The following TSPAN5 variants were observed in gnomAD, a reference collection of about 807,000 sequenced individuals.
TSPAN5 encodes the protein tetraspanin-5.
In TSPAN5, 10 loss-of-function variants were observed where a neutral mutation model predicts 37.1. The observed-to-expected ratio is 0.27, with a 90% CI of 0.17 to 0.46. TSPAN5 has a LOEUF of 0.46. TSPAN5 is among the 20% of genes least tolerant of loss of function. TSPAN5 has a pLI of 1.00. For missense variants in TSPAN5, 195 were observed against 326.6 expected (o/e 0.60, Z 3.11); for synonymous variants, 110 against 118.9 (o/e 0.93, Z 0.48).
Position 98,633,804 on chromosome 4 carries a change from G to T in TSPAN5, c.81+24342C>A, listed in dbSNP as rs149706429. 2.4e-3 allele frequency among the ~76,000 whole-genome samples: 359 copies of T among 152,256 alleles called. 3 individuals are homozygous for T. The highest frequency in any genetic ancestry group is 7.8e-3 in the African/African-American group (322 of 41,546). ...CTTAAAAGTGATCAATCACGGCCGGGCACGATGGCTGACGCCTGTAATACC... is the reference window on the plus strand; with the variant it reads ...CTTAAAAGTGATCAATCACGGCCGGTCACGATGGCTGACGCCTGTAATACC... On this transcript the variant is annotated intron_variant, in intron 1 of 7. Transcript: ENST00000305798.
Position 98,487,336 on chromosome 4 carries a change from A to G in TSPAN5, c.133-452T>C, listed in dbSNP as rs561028662. On this transcript the variant is annotated intron_variant, in intron 2 of 7. Transcript: ENST00000305798. ...ACCTTTGGTTTCAGTGTCTGCAAAT[A>G]TAAGAGGTCTTCAGTAAAAACAAAC... is the stretch of plus-strand genomic sequence containing the variant. Among the ~76,000 whole-genome samples, 26 of 152,296 alleles carry G rather than the reference A, an allele frequency of 1.7e-4. 1 individual carries two copies. The South Asian group carries it at 4.8e-3, about 28-fold the overall frequency.
chr4:98,618,015 A>T (rs1424001698), intron 1 of TSPAN5, among the ~76,000 whole-genome samples: 1 of 152,202 alleles, frequency 6.6e-6, no homozygotes, highest in African/African-American at 2.4e-5. Flanking sequence ...TTCTGAACAG[A>T]AGGTGTGGAG....
At chr4:98,601,892 A>T (rs1319846814) in intron 1 of TSPAN5, among the ~76,000 whole-genome samples, 1 of 152,218 alleles carries the variant, frequency 6.6e-6, no homozygotes, top group African/African-American at 2.4e-5. Context: ...ACACTGAGAA[A>T]CCATTACTCA....
chr4:98,576,603 C>A (rs1755242161), intron 1 of TSPAN5, among the ~76,000 whole-genome samples: 1 of 152,068 alleles, frequency 6.6e-6, no homozygotes, highest in South Asian at 2.1e-4. Context: ...ATAGTCCCAG[C>A]TACTTGGAAA....
intron 2 of TSPAN5, among the ~76,000 whole-genome samples, chr4:98,503,340 C>G (rs10015273): frequency 0.074 from 11,230 of 152,124 alleles, 593 homozygotes; most frequent in Admixed American, 0.14. Flanking sequence ...GAAAAGACAC[C>G]AGAGCGGGGC....
intron 1 of TSPAN5, among the ~76,000 whole-genome samples, chr4:98,605,477 G>C (rs773479921): frequency 6.6e-6 from 1 of 152,082 alleles, no homozygotes; most frequent in Admixed American, 6.6e-5. Context: ...TCCTAATTCA[G>C]CAGTCACTAC....
intron 1 of TSPAN5, among the ~76,000 whole-genome samples, chr4:98,517,212 T>C (rs1753754748): frequency 6.6e-6 from 1 of 152,140 alleles, no homozygotes; most frequent in Admixed American, 6.5e-5. Flanking sequence ...TCCAAATAAT[T>C]GAATGGAGAT....
intron 1 of TSPAN5, among the ~76,000 whole-genome samples, chr4:98,608,784 C>T (rs572329931): frequency 3.3e-5 from 5 of 152,302 alleles, no homozygotes; most frequent in East Asian, 1.9e-4. Context: ...TCTCTCTCCT[C>T]GACAGTTCTC....
intron 1 of TSPAN5, among the ~76,000 whole-genome samples, chr4:98,589,991 C>T (rs1053518664): frequency 1.3e-5 from 2 of 152,096 alleles, no homozygotes; most frequent in African/African-American, 4.8e-5. Context: ...AAGGTGCTAC[C>T]AATGATCAGA....
Position 98,520,354 on chromosome 4 carries a change from A to G in TSPAN5, c.82-12626T>C, listed in dbSNP as rs75681410. On this transcript the variant is annotated intron_variant, in intron 1 of 7. Coordinates refer to ENST00000305798, the MANE Select transcript of TSPAN5 (RefSeq NM_005723.4). ...AGCATTAAAAAAGTAACTTCCCTCAACTCAAATGAGTCCAGCATGACCACC... is the reference window on the plus strand; with the variant it reads ...AGCATTAAAAAAGTAACTTCCCTCAGCTCAAATGAGTCCAGCATGACCACC... Among the ~76,000 whole-genome samples, 178 of 152,270 alleles carry G rather than the reference A, an allele frequency of 1.2e-3. 1 individual carries two copies. The highest frequency in any genetic ancestry group is 4.1e-3 in the African/African-American group (170 of 41,552).
At chr4:98,585,559 C>T (rs926335426) in intron 1 of TSPAN5, among the ~76,000 whole-genome samples, 1 of 152,198 alleles carries the variant, frequency 6.6e-6, no homozygotes, top group African/African-American at 2.4e-5. Context: ...ATCCACCTGC[C>T]TCAGCCTCCC....
intron 1 of TSPAN5, among the ~76,000 whole-genome samples, chr4:98,613,163 G>A (rs1756241660): frequency 6.6e-6 from 1 of 150,830 alleles, no homozygotes; most frequent in Admixed American, 6.6e-5. Context: ...TAATTCCACG[G>A]GTGATTCAGA....
chr4:98,635,060 C>T (rs944165711), intron 1 of TSPAN5, among the ~76,000 whole-genome samples: 1 of 152,226 alleles, frequency 6.6e-6, no homozygotes, highest in Non-Finnish European at 1.5e-5. Flanking sequence ...ACTTTCCATT[C>T]GCCCCAGTCT....
intron 2 of TSPAN5, among the ~76,000 whole-genome samples, chr4:98,501,813 A>G (rs1560514603): frequency 6.6e-6 from 1 of 152,220 alleles, no homozygotes; most frequent in Non-Finnish European, 1.5e-5. Context: ...GAGGGCTAGA[A>G]GCAGAGAAGT....
intron 1 of TSPAN5, among the ~76,000 whole-genome samples, chr4:98,608,186 C>T (rs1756086151): frequency 6.6e-6 from 1 of 152,184 alleles, no homozygotes; most frequent in Non-Finnish European, 1.5e-5. Context: ...TAGACTACAT[C>T]AGGCAGACAT....
chr4:98,491,204 T>C (rs1753078627), intron 2 of TSPAN5, among the ~76,000 whole-genome samples: 1 of 152,196 alleles, frequency 6.6e-6, no homozygotes, highest in Non-Finnish European at 1.5e-5. Flanking sequence ...ACACTTTACA[T>C]CCACTCGGCA....
chr4:98,640,012 T>C (rs1422807535), intron 1 of TSPAN5, among the ~76,000 whole-genome samples: 1 of 152,190 alleles, frequency 6.6e-6, no homozygotes, highest in Non-Finnish European at 1.5e-5. Context: ...GGAGGGAGCT[T>C]TCCTTTACTA....
chr4:98,630,796 G>T (rs1756728103), intron 1 of TSPAN5, among the ~76,000 whole-genome samples: 1 of 152,232 alleles, frequency 6.6e-6, no homozygotes, highest in Admixed American at 6.5e-5. Flanking sequence ...TCCCCTTGAA[G>T]TAAGGCCTAC....
chr4:98,521,929 T>G (rs987716684), intron 1 of TSPAN5, among the ~76,000 whole-genome samples: 3 of 152,230 alleles, frequency 2.0e-5, no homozygotes, highest in African/African-American at 4.8e-5. Context: ...GAAAAGTGAC[T>G]GTTATTAAAC....
Sources: allele counts gnomAD v4.1 joint callset (sites outside exome capture counted in the v4.1 genomes callset), GRCh38; gene constraint gnomAD v4.1.1; transcripts MANE v1.5; gene names NCBI Gene and HGNC (gene_info 2026-07-23, HGNC 2026-07-21).